The following SPEGNB variants were observed in gnomAD, a reference collection of about 807,000 sequenced individuals.
SPEGNB encodes the protein SPEG neighbor protein.
A neutral mutation model predicts 18.3 loss-of-function variants in SPEGNB; 12 were observed. The ratio of observed to expected loss-of-function variants is 0.65; its 90% confidence interval spans 0.42 to 1.06. SPEGNB has a LOEUF of 1.06. Among genes scored for constraint, SPEGNB ranks in the 50% least tolerant of loss-of-function variants. The probability of loss-of-function intolerance (pLI) is 0.00; values close to 1 mark genes in which losing one functional copy is unlikely to be tolerated. For missense variants in SPEGNB, 273 were observed against 329.3 expected (o/e 0.83, Z 1.32); for synonymous variants, 113 against 138.8 (o/e 0.81, Z 1.31).
At chr2:219,497,291 A>T (rs1371501420) in intron 3 of SPEGNB, among the ~76,000 whole-genome samples, 175 bp downstream of exon 3, 2 of 151,922 alleles carry the variant, frequency 1.3e-5, no homozygotes, top group African/African-American at 4.8e-5. Flanking sequence ...GTCCTTCCCT[A>T]CCTCGGGATC....
At position 219,498,165 on chromosome 2, in the gene SPEGNB, C is replaced by A. The variant is rs1350634409; in HGVS notation, c.693C>A (p.Ser231Arg). 1.5e-6 allele frequency: 2 copies of A among 1,304,172 alleles called. No homozygotes were observed. The highest frequency in any genetic ancestry group is 1.1e-4 in the East Asian group (2 of 18,032). 80.8% of individuals were successfully genotyped at this position (1,304,172 alleles called of 1,614,324 possible). ...YVENSLGMDQ[S>R]FARVDVA ...AGAACAGCCTGGGCATGGACCAGAG[C>A]TTCGCTCGCGTCGACGTGGCCTGAA... Residue 231 changes from serine to arginine, a missense_variant, in exon 5 of 5, where the codon AGC becomes AGA. Coordinates refer to ENST00000651166, the MANE Select transcript of SPEGNB (RefSeq NM_001286811.2).
chr2:219,498,248 C>T lies in SPEGNB; in HGVS notation c.*59C>T, dbSNP rs532222541. ...GCCCGGGGGTGGTGGGACCCACAGC[C>T]CTCCACCAGCTTGCTTAATAAAGCT... is the stretch of plus-strand genomic sequence containing the variant. On this transcript the variant is annotated 3_prime_UTR_variant, in exon 5 of 5. Coordinates refer to ENST00000651166, the MANE Select transcript of SPEGNB (RefSeq NM_001286811.2). 4.2e-5 allele frequency: 53 copies of T among 1,266,010 alleles called. 2 individuals carry two copies. The highest frequency in any genetic ancestry group is 4.2e-4 in the African/African-American group (27 of 64,768). The allele number at this position is 1,266,010 out of a possible 1,614,324, so 78.4% of individuals were successfully genotyped here. A position where few individuals can be genotyped will look rare whatever the true frequency, so the allele number is the denominator to read the frequency against.
At position 219,496,965 on chromosome 2, in the gene SPEGNB, T is replaced by C; in HGVS notation, c.285T>C (p.Arg95=). 2 of 1,303,836 alleles carry C rather than the reference T, an allele frequency of 1.5e-6. No individual in the cohort carries two copies. Among genetic ancestry groups the C allele is most frequent in the Non-Finnish European group, 2.0e-6 (2 of 988,376 alleles). The allele number at this position is 1,303,836 out of a possible 1,614,324, so 80.8% of individuals were successfully genotyped here. A position where few individuals can be genotyped will look rare whatever the true frequency, so the allele number is the denominator to read the frequency against. ...GGAGTAAGGACGGCAAGGAGCTACG[T>C]GACGGTCCCAAGTACCGCTACGTCT... The part of the protein sequence containing the change: ...IRWSKDGKEL[R]DGPKYRYVFE... Residue 95 remains arginine (R), a synonymous_variant, in exon 3 of 5, where the codon CGT becomes CGC. Transcript: ENST00000651166.
intron 3 of SPEGNB, 46 bp downstream of exon 3, chr2:219,497,162 T>A: frequency 1.8e-6 from 2 of 1,138,762 alleles, no homozygotes; most frequent in Non-Finnish European, 2.2e-6. Flanking sequence ...CCAGCACCAC[T>A]CAGCCAGAGC....
chr2:219,496,971 T>A lies in SPEGNB; in HGVS notation c.291T>A (p.Gly97=). 1 of 1,303,506 alleles carries A rather than the reference T, an allele frequency of 7.7e-7. No homozygotes were observed. Among genetic ancestry groups the A allele is most frequent in the South Asian group, 1.2e-5 (1 of 80,974 alleles). 80.7% of individuals were successfully genotyped at this position (1,303,506 alleles called of 1,614,324 possible). Residue 97 remains glycine, a synonymous_variant, in exon 3 of 5, where the codon GGT becomes GGA. Transcript: ENST00000651166. ...AGGACGGCAAGGAGCTACGTGACGG[T>A]CCCAAGTACCGCTACGTCTTCGAGG... ...WSKDGKELRD[G]PKYRYVFEDP...
chr2:219,496,738 G>A, intron 2 of SPEGNB, 71 bp from the exon 3 acceptor site: 1 of 1,172,608 alleles, frequency 8.5e-7, no homozygotes. Flanking sequence ...GTAGGAGATG[G>A]TGCGCTCGCG....
At position 219,497,013 on chromosome 2, in the gene SPEGNB, A is replaced by G. The variant is rs1281802859; in HGVS notation, c.333A>G (p.Ala111=). The change falls in exon 3 of 5, where the codon GCA becomes GCG. Residue 111 remains alanine (A), a synonymous_variant. Transcript: ENST00000651166. The part of the protein sequence containing the change: ...RYVFEDPDVV[A]LVVRDGELAD... ...TCTTCGAGGACCCTGACGTGGTGGCACTGGTGGTGCGCGACGGCGAGCTGG... is the reference window on the plus strand; with the variant it reads ...TCTTCGAGGACCCTGACGTGGTGGCGCTGGTGGTGCGCGACGGCGAGCTGG... The G allele has an allele frequency of 7.7e-7, 1 of 1,301,664 alleles. No homozygotes were observed. Among genetic ancestry groups the G allele is most frequent in the South Asian group, 1.2e-5 (1 of 80,878 alleles). The allele number at this position is 1,301,664 out of a possible 1,614,324, so 80.6% of individuals were successfully genotyped here. A position where few individuals can be genotyped will look rare whatever the true frequency, so the allele number is the denominator to read the frequency against.
rs776385074 is a variant in SPEGNB at position 219,496,182 on chromosome 2, C to G, written c.-36C>G. Among the ~76,000 whole-genome samples, 4 of 152,206 alleles carry G rather than the reference C, an allele frequency of 2.6e-5. No individual in the cohort carries two copies. The highest frequency in any genetic ancestry group is 5.9e-5 in the Non-Finnish European group (4 of 68,042). On this transcript the variant is annotated 5_prime_UTR_variant, in exon 1 of 5. Coordinates refer to ENST00000651166, the MANE Select transcript of SPEGNB (RefSeq NM_001286811.2). ...GGGCTCTGTGCTGCCTGCAATCCAG[C>G]CAGTCGACTCAAGTCCCTAGGTCAA...
chr2:219,497,637 G>C, intron 3 of SPEGNB, 83 bp from the exon 4 acceptor site: 2 of 1,251,776 alleles, frequency 1.6e-6, no homozygotes, highest in African/African-American at 1.6e-5. Flanking sequence ...TCTGTATTTA[G>C]TGCCGGGTAT....
At chr2:219,496,679 C>A in intron 2 of SPEGNB, 130 bp from the exon 3 acceptor site, 1 of 1,011,156 alleles carries the variant, frequency 9.9e-7, no homozygotes, top group Non-Finnish European at 1.3e-6. Context: ...GAGCAGTCCT[C>A]TTCCCTACCA....
chr2:219,498,022 C>T lies in SPEGNB; in HGVS notation c.579-29C>T, dbSNP rs952514935. ...GTGCGCCCGTGTACTGACCACGGCT[C>T]CGCCCTCCTCCCCGCCGCCCTTCCG... On this transcript the variant is annotated intron_variant, in intron 4 of 4. Transcript: ENST00000651166. 3.9e-6 allele frequency: 5 copies of T among 1,292,908 alleles called. No homozygotes were observed. In the African/African-American group the frequency reaches 7.6e-5, roughly 20 times the overall value. The allele number at this position is 1,292,908 out of a possible 1,614,324, so 80.1% of individuals were successfully genotyped here. A position where few individuals can be genotyped will look rare whatever the true frequency, so the allele number is the denominator to read the frequency against.
intron 3 of SPEGNB, 52 bp downstream of exon 3, chr2:219,497,168 A>G: frequency 8.9e-7 from 1 of 1,125,750 alleles, no homozygotes; most frequent in Non-Finnish European, 1.1e-6. Context: ...CCACTCAGCC[A>G]GAGCCCGCAG....
chr2:219,498,016 A>G, intron 4 of SPEGNB, 35 bp from the exon 5 acceptor site: 2 of 1,290,890 alleles, frequency 1.5e-6, no homozygotes, highest in Non-Finnish European at 2.0e-6. Context: ...TGTACTGACC[A>G]CGGCTCCGCC....
chr2:219,498,018 G>A, intron 4 of SPEGNB, 33 bp from the exon 5 acceptor site: 1 of 1,291,482 alleles, frequency 7.7e-7, no homozygotes, highest in South Asian at 1.3e-5. Context: ...TACTGACCAC[G>A]GCTCCGCCCT....
At position 219,496,941 on chromosome 2, in the gene SPEGNB, G is replaced by A. The variant is rs1034267466; in HGVS notation, c.261G>A (p.Trp87Ter). The A allele has an allele frequency of 7.7e-7, 1 of 1,303,094 alleles. No individual in the cohort carries two copies. Among genetic ancestry groups the A allele is most frequent in the African/African-American group, 1.5e-5 (1 of 65,864 alleles). 80.7% of individuals were successfully genotyped at this position (1,303,094 alleles called of 1,614,324 possible). The change falls in exon 3 of 5, where the codon TGG (tryptophan) becomes TGA (stop). Residue 87 changes from tryptophan to a stop codon, truncating the protein, a stop_gained. Coordinates refer to ENST00000651166, the MANE Select transcript of SPEGNB (RefSeq NM_001286811.2). LOFTEE classifies it high-confidence loss of function. ...ISAFPDPFIRWSKDGKELRDG... is the reference protein window; with the variant it reads ...ISAFPDPFIR ...CTTTCCCGGACCCATTCATCCGCTG[G>A]AGTAAGGACGGCAAGGAGCTACGTG...
In SPEGNB at chr2:219,496,878, C is replaced by T; in HGVS notation, c.198C>T (p.Ile66=). 1.5e-6 allele frequency: 2 copies of T among 1,291,444 alleles called. No homozygotes were observed. The highest frequency in any genetic ancestry group is 2.0e-6 in the Non-Finnish European group (2 of 979,906). The allele number at this position is 1,291,444 out of a possible 1,614,324, so 80.0% of individuals were successfully genotyped here. A position where few individuals can be genotyped will look rare whatever the true frequency, so the allele number is the denominator to read the frequency against. Reference sequence around the variant, plus strand: ...AGCCGCTGAAGGACGTGGTGCTGATCGAAGGCAGCGCGGCCAAGCTCACTT... The same window carrying T: ...AGCCGCTGAAGGACGTGGTGCTGATTGAAGGCAGCGCGGCCAAGCTCACTT... ...VLEPLKDVVL[I]EGSAAKLTCR... The change falls in exon 3 of 5, where the codon ATC becomes ATT. Residue 66 remains isoleucine (I), a synonymous_variant. Coordinates refer to ENST00000651166, the MANE Select transcript of SPEGNB (RefSeq NM_001286811.2).
At chr2:219,497,139 G>A in intron 3 of SPEGNB, 23 bp downstream of exon 3, 2 of 1,189,396 alleles carry the variant, frequency 1.7e-6, no homozygotes, top group African/African-American at 3.2e-5. Flanking sequence ...CGGGCGCAGC[G>A]CCAGGGCGCA....
rs1409035723 is a variant in SPEGNB at position 219,496,425 on chromosome 2, A to T, written c.71A>T (p.Asn24Ile). The change falls in exon 2 of 5, where the codon AAT (asparagine) becomes ATT (isoleucine). Residue 24 changes from asparagine (N) to isoleucine (I), a missense_variant. Asn to Ile is a moderately radical substitution (Grantham distance 149, BLOSUM62 -3). Coordinates refer to ENST00000651166, the MANE Select transcript of SPEGNB (RefSeq NM_001286811.2). The part of the protein sequence containing the change: ...APAPGCTLDI[N>I]DPQVQSAAIR... ...GCTCCTGGATGTACCCTGGACATCA[A>T]TGACCCACAGGTCCAGAGTGCGGCC... 2 of 1,293,148 alleles carry T rather than the reference A, an allele frequency of 1.5e-6. No homozygotes were observed. Among genetic ancestry groups the T allele is most frequent in the Non-Finnish European group, 2.0e-6 (2 of 980,432 alleles). The allele number at this position is 1,293,148 out of a possible 1,614,324, so 80.1% of individuals were successfully genotyped here.
At chr2:219,498,001 G>C (rs529236901) in intron 4 of SPEGNB, 50 bp from the exon 5 acceptor site, 6 of 1,272,604 alleles carry the variant, frequency 4.7e-6, no homozygotes, top group Non-Finnish European at 6.2e-6. Flanking sequence ...CGCCCAGTGC[G>C]CCCGTGTACT....
Sources: gnomAD v4.1 joint callset for allele counts (sites outside exome capture counted in the v4.1 genomes callset) on GRCh38, gnomAD v4.1.1 for gene constraint, MANE v1.5 for transcripts, NCBI Gene and HGNC (gene_info 2026-07-23, HGNC 2026-07-21) for gene names.